The following IGSF21 variants were observed in gnomAD, a reference collection of about 807,000 sequenced individuals.
IGSF21 encodes the protein immunoglobin superfamily member 21.
IGSF21 carries 28 observed loss-of-function variants against 46.8 expected under a neutral mutation model. The observed-to-expected ratio is 0.60, with a 90% confidence interval of 0.44 to 0.82. The LOEUF is 0.82. Ranked by LOEUF, IGSF21 falls within the 40% of genes least tolerant of loss-of-function variation. IGSF21 has a pLI of 0.00. For synonymous variants in IGSF21, 284 were observed against 273.6 expected, an observed-to-expected ratio of 1.04 and a Z score of -0.38; for missense variants, 624 against 665.5, an observed-to-expected ratio of 0.94 and a Z score of 0.69.
chr1:18,185,421 C>G (rs1019638853), intron 1 of IGSF21, among the ~76,000 whole-genome samples: 2 of 152,200 alleles, frequency 1.3e-5, no homozygotes, highest in African/African-American at 4.8e-5. Flanking sequence ...AACACTGGAA[C>G]AAAACATATT....
intron 4 of IGSF21, among the ~76,000 whole-genome samples, chr1:18,345,881 G>T (rs778345290): frequency 6.6e-6 from 1 of 152,192 alleles, no homozygotes; most frequent in Non-Finnish European, 1.5e-5. Flanking sequence ...CCTGCCAAGC[G>T]CAGGGACCCA....
intron 1 of IGSF21, among the ~76,000 whole-genome samples, chr1:18,215,874 T>C (rs1250534006): frequency 6.6e-6 from 1 of 152,120 alleles, no homozygotes; most frequent in East Asian, 1.9e-4. Flanking sequence ...GCTCCATGGC[T>C]CACAAATCCC....
At chr1:18,344,035 C>A (rs72938743) in intron 4 of IGSF21, among the ~76,000 whole-genome samples, 2,161 of 152,230 alleles carry the variant, frequency 0.014, 48 homozygotes, top group African/African-American at 0.048. Flanking sequence ...TTCCAGGAGG[C>A]CCAGCCAGAA....
chr1:18,120,180 G>T (rs1057164182), intron 1 of IGSF21, among the ~76,000 whole-genome samples: 1 of 152,230 alleles, frequency 6.6e-6, no homozygotes, highest in Non-Finnish European at 1.5e-5. Context: ...CGCAGGGGAT[G>T]GTGCAGCCCC....
intron 2 of IGSF21, among the ~76,000 whole-genome samples, chr1:18,234,497 A>G (rs1052385481): frequency 1.3e-5 from 2 of 152,226 alleles, no homozygotes; most frequent in African/African-American, 4.8e-5. Context: ...TTATGCTGCT[A>G]TAAAGAACTG....
intron 1 of IGSF21, among the ~76,000 whole-genome samples, chr1:18,119,728 C>T (rs908239606): frequency 6.0e-5 from 9 of 150,566 alleles, no homozygotes; most frequent in South Asian, 2.1e-4. Flanking sequence ...AAGCCTCCAG[C>T]GAGCCAGAGG....
intron 4 of IGSF21, among the ~76,000 whole-genome samples, chr1:18,343,253 A>G (rs1191720393): frequency 6.6e-6 from 1 of 152,160 alleles, no homozygotes; most frequent in African/African-American, 2.4e-5. Context: ...TTCTTTGGAG[A>G]AACATCTACT....
At chr1:18,131,288 G>T (rs1178539106) in intron 1 of IGSF21, among the ~76,000 whole-genome samples, 1 of 152,198 alleles carries the variant, frequency 6.6e-6, no homozygotes, top group African/African-American at 2.4e-5. Flanking sequence ...TCTGAACCCA[G>T]AGGTTGATGA....
intron 1 of IGSF21, among the ~76,000 whole-genome samples, chr1:18,188,653 G>T (rs2086926820): frequency 6.6e-6 from 1 of 152,164 alleles, no homozygotes; most frequent in African/African-American, 2.4e-5. Context: ...GTGACAGCTG[G>T]TGTATGAGGC....
chr1:18,145,945 G>C (rs1313562852), intron 1 of IGSF21, among the ~76,000 whole-genome samples: 1 of 152,110 alleles, frequency 6.6e-6, no homozygotes, highest in Non-Finnish European at 1.5e-5. Context: ...GAAAGGGACA[G>C]GAGCCTAGCT....
intron 2 of IGSF21, among the ~76,000 whole-genome samples, chr1:18,291,474 G>C (rs969201036): frequency 6.6e-6 from 1 of 152,190 alleles, no homozygotes; most frequent in Non-Finnish European, 1.5e-5. Context: ...CCGCCTTCAG[G>C]AGAAGCTGAG....
intron 1 of IGSF21, among the ~76,000 whole-genome samples, chr1:18,154,429 G>A (rs1002170480): frequency 6.6e-6 from 1 of 152,078 alleles, no homozygotes; most frequent in African/African-American, 2.4e-5. Flanking sequence ...AAGGAAAGGA[G>A]ATATCAGTGG....
rs545226662 is a variant in IGSF21, at chr1:18,178,817, C to T, written c.71-49081C>T. 1.7e-3 allele frequency among the ~76,000 whole-genome samples: 251 copies of T among 152,042 alleles called. 5 individuals are homozygous for T. The highest frequency in any genetic ancestry group is 6.5e-3 in the Admixed American group (99 of 15,278). On this transcript the variant is annotated intron_variant, in intron 1 of 9. Transcript: ENST00000251296. ...GACGGGTCTGTGCCTGTTTTCCAGA[C>T]CCCCAGGCAGGCAGCAGTTCGGGGA...
intron 1 of IGSF21, among the ~76,000 whole-genome samples, chr1:18,135,159 A>G (rs1211336963): frequency 6.6e-6 from 1 of 152,232 alleles, no homozygotes; most frequent in East Asian, 1.9e-4. Flanking sequence ...GCTCTGCCCA[A>G]GATGCCTCAC....
At chr1:18,254,724 T>C (rs1042822407) in intron 2 of IGSF21, among the ~76,000 whole-genome samples, 3 of 152,216 alleles carry the variant, frequency 2.0e-5, no homozygotes, top group African/African-American at 7.2e-5. Context: ...CTCCTGGACA[T>C]AGGTTGTCCA....
At chr1:18,108,393 G>GGTGT (rs138052984) in intron 1 of IGSF21, among the ~76,000 whole-genome samples, 195 bp downstream of exon 1, 1 of 146,004 alleles carries the variant, frequency 6.8e-6, no homozygotes, top group East Asian at 1.9e-4. Flanking sequence ...TTTGTGCCAG[G>GGTGT]GTGTGTGTGT....
At chr1:18,258,358 G>T (rs2084910901) in intron 2 of IGSF21, among the ~76,000 whole-genome samples, 1 of 152,226 alleles carries the variant, frequency 6.6e-6, no homozygotes, top group African/African-American at 2.4e-5. Flanking sequence ...CAAGAGAAGG[G>T]ACTCAGTAAC....
intron 1 of IGSF21, among the ~76,000 whole-genome samples, chr1:18,178,485 T>C (rs1238774989): frequency 1.3e-5 from 2 of 152,228 alleles, no homozygotes; most frequent in African/African-American, 4.8e-5. Context: ...GAAGTGGGGA[T>C]AATACTGCAG....
At chr1:18,229,614 G>A (rs1273728441) in intron 2 of IGSF21, among the ~76,000 whole-genome samples, 1 of 152,182 alleles carries the variant, frequency 6.6e-6, no homozygotes, top group African/African-American at 2.4e-5. Context: ...AGCTCTTCAG[G>A]TAGCCTGGGC....
Sources: allele counts gnomAD v4.1 joint callset (sites outside exome capture counted in the v4.1 genomes callset), GRCh38; gene constraint gnomAD v4.1.1; transcripts MANE v1.5; gene names NCBI Gene and HGNC (gene_info 2026-07-23, HGNC 2026-07-21).